Variants in PHF24 observed in about 807,000 individuals in gnomAD.
PHF24 encodes PHD finger protein 24, also known as Galpha inhibitory interacting protein.
PHF24 carries 25 observed loss-of-function variants against 42.6 expected under a neutral mutation model. The ratio of observed to expected loss-of-function variants is 0.59; its 90% CI spans 0.43 to 0.82. PHF24 has a LOEUF of 0.82. PHF24 is among the 40% of genes least tolerant of loss of function. The probability of loss-of-function intolerance (pLI) is 0.00; values close to 1 mark genes in which losing one functional copy is unlikely to be tolerated. For synonymous variants in PHF24, 185 were observed against 204.8 expected, an observed-to-expected ratio of 0.90 and a Z score of 0.83; for missense variants, 470 against 538.1, an observed-to-expected ratio of 0.87 and a Z score of 1.25.
At chr9:34,846,639 T>G in the PHF24 span, among the ~76,000 whole-genome samples, 1 of 152,180 alleles carries the variant, frequency 6.6e-6, no homozygotes, top group Non-Finnish European at 1.5e-5. Flanking sequence ...TTTTGTTGCC[T>G]TTGCTTTTGA....
the PHF24 span, among the ~76,000 whole-genome samples, chr9:34,769,381 A>G: frequency 6.6e-6 from 1 of 152,296 alleles, no homozygotes; most frequent in African/African-American, 2.4e-5. Context: ...TCGGCCTCCC[A>G]AAGTGCTGGG....
chr9:34,977,261 C>T lies in PHF24; in HGVS notation c.1010+18C>T, dbSNP rs116951905. 6.4e-7 allele frequency: 1 copy of T among 1,573,834 alleles called. No homozygotes were observed. Among genetic ancestry groups the T allele is most frequent in the African/African-American group, 1.4e-5 (1 of 73,634 alleles). On this transcript the variant is annotated intron_variant, in intron 6 of 7. Transcript: ENST00000242315. ...AGTGTCAGGTCTGCTCCTTACCAGT[C>T]CTGGTCCCCACTCAGCCTCTCCTCC...
chr9:34,767,950 C>T, the PHF24 span, among the ~76,000 whole-genome samples: 14 of 152,124 alleles, frequency 9.2e-5, no homozygotes, highest in Non-Finnish European at 1.3e-4. Context: ...GCACATCTAC[C>T]GACACTATGG....
At chr9:34,833,394 TC>T in the PHF24 span, 1 of 1,551,030 alleles carries the variant, frequency 6.4e-7, no homozygotes, top group Non-Finnish European at 8.7e-7. Context: ...TGCACTGCCT[TC>T]AAGTCATTGG....
the PHF24 span, among the ~76,000 whole-genome samples, chr9:34,774,013 A>T: frequency 6.6e-6 from 1 of 152,234 alleles, no homozygotes; most frequent in Non-Finnish European, 1.5e-5. Context: ...CAAATGTACT[A>T]TACTAATGTA....
the PHF24 span, among the ~76,000 whole-genome samples, chr9:34,860,971 A>G: frequency 6.6e-6 from 1 of 152,202 alleles, no homozygotes; most frequent in Non-Finnish European, 1.5e-5. Context: ...GACTACATGC[A>G]GAGAGGTAGG....
the PHF24 span, among the ~76,000 whole-genome samples, chr9:34,766,880 G>T: frequency 1.2e-4 from 18 of 152,178 alleles, no homozygotes; most frequent in African/African-American, 3.6e-4. Flanking sequence ...TGGGTTTTTG[G>T]TGTGGATGTC....
chr9:34,883,798 A>T, the PHF24 span, among the ~76,000 whole-genome samples: 10 of 152,202 alleles, frequency 6.6e-5, no homozygotes, highest in Non-Finnish European at 1.3e-4. Context: ...ATTGTGGAAG[A>T]CAGTGTGGCG....
At chr9:34,900,664 A>G in the PHF24 span, among the ~76,000 whole-genome samples, 4 of 152,202 alleles carry the variant, frequency 2.6e-5, no homozygotes, top group Admixed American at 6.5e-5. Flanking sequence ...ATGGACTGCT[A>G]TGGTTTGAAT....
chr9:34,936,994 CA>C, the PHF24 span, among the ~76,000 whole-genome samples: 1 of 149,894 alleles, frequency 6.7e-6, no homozygotes, highest in African/African-American at 2.5e-5. Context: ...CAGCCCCCGC[CA>C]GGCCAGCCGC....
At chr9:34,710,021 A>G in the PHF24 span, 1 of 1,614,110 alleles carries the variant, frequency 6.2e-7, no homozygotes, top group South Asian at 1.1e-5. Context: ...GGGATGCCAA[A>G]GGCCAGAACC....
chr9:34,808,091 A>G, the PHF24 span, among the ~76,000 whole-genome samples: 1 of 152,208 alleles, frequency 6.6e-6, no homozygotes, highest in South Asian at 2.1e-4. Flanking sequence ...GAGGCAGTAC[A>G]GTCAACCTGA....
chr9:34,851,769 T>C, the PHF24 span, among the ~76,000 whole-genome samples: 1 of 152,222 alleles, frequency 6.6e-6, no homozygotes, highest in South Asian at 2.1e-4. Flanking sequence ...TAATTGTCGA[T>C]CACAAGTTAA....
the PHF24 span, among the ~76,000 whole-genome samples, chr9:34,793,095 A>G: frequency 1.7e-4 from 26 of 152,244 alleles, no homozygotes; most frequent in Non-Finnish European, 1.6e-4. Flanking sequence ...TTGAAAAACC[A>G]TAAAGTTTTT....
the PHF24 span, among the ~76,000 whole-genome samples, chr9:34,705,239 C>A: frequency 2.2e-4 from 34 of 152,084 alleles, no homozygotes; most frequent in Non-Finnish European, 4.6e-4. Context: ...CGTGTCTCAG[C>A]AGTAGGCTTT....
the PHF24 span, among the ~76,000 whole-genome samples, chr9:34,906,483 G>C: frequency 1.3e-5 from 2 of 151,990 alleles, no homozygotes; most frequent in African/African-American, 4.8e-5. Context: ...GTTTCATTGT[G>C]CTTTGACATG....
chr9:34,743,695 A>G, the PHF24 span, among the ~76,000 whole-genome samples: 1 of 152,214 alleles, frequency 6.6e-6, no homozygotes, highest in Non-Finnish European at 1.5e-5. Context: ...TGTGGGTCCT[A>G]TATAGGTGTC....
chr9:34,687,540 A>G, the PHF24 span, among the ~76,000 whole-genome samples: 1 of 152,172 alleles, frequency 6.6e-6, no homozygotes, highest in Non-Finnish European at 1.5e-5. Context: ...TGGCCCAGGC[A>G]GTGAATTCAG....
the PHF24 span, among the ~76,000 whole-genome samples, chr9:34,845,869 G>A: frequency 4.6e-5 from 7 of 150,994 alleles, no homozygotes; most frequent in Non-Finnish European, 1.0e-4. Flanking sequence ...TTGTTCTTGC[G>A]ATAGTTTACT....
Sources: gnomAD v4.1 joint callset for allele counts (sites outside exome capture counted in the v4.1 genomes callset) on GRCh38, gnomAD v4.1.1 for gene constraint, MANE v1.5 for transcripts, NCBI Gene and HGNC (gene_info 2026-07-23, HGNC 2026-07-21) for gene names.